Variants in DENND1A observed in about 807,000 individuals in gnomAD.
DENND1A encodes DENN domain-containing protein 1A.
Under a neutral mutation model 113.7 loss-of-function variants are expected in DENND1A, and 51 were observed. The ratio of observed to expected loss-of-function variants is 0.45; its 90% confidence interval spans 0.36 to 0.57. The LOEUF (loss-of-function observed/expected upper bound fraction) is 0.57, where lower values mean the gene tolerates loss of function less well. DENND1A is among the 20% of genes least tolerant of loss of function. The probability of loss-of-function intolerance (pLI) is 0.00; values close to 1 mark genes in which losing one functional copy is unlikely to be tolerated. For synonymous variants in DENND1A, 565 were observed against 570.8 expected (o/e 0.99, Z 0.14); for missense variants, 1,258 against 1,395.9 (o/e 0.90, Z 1.57).
chr9:123,747,720 C>T (rs1253768235), intron 5 of DENND1A, among the ~76,000 whole-genome samples: 2 of 152,148 alleles, frequency 1.3e-5, no homozygotes, highest in Admixed American at 6.5e-5. Flanking sequence ...AATTATACTG[C>T]TATCTAACTT....
intron 5 of DENND1A, among the ~76,000 whole-genome samples, chr9:123,707,402 GA>G (rs111625198): frequency 0.12 from 16,232 of 136,500 alleles, 1,201 homozygotes; most frequent in Non-Finnish European, 0.18. Flanking sequence ...TCTCAAAAAG[GA>G]AAAAAAAAAA....
intron 2 of DENND1A, among the ~76,000 whole-genome samples, chr9:123,849,148 T>C (rs1843001519): frequency 6.6e-6 from 1 of 152,322 alleles, no homozygotes; most frequent in South Asian, 2.1e-4. Flanking sequence ...CCACCTTATA[T>C]TAGAAGAAAA....
intron 19 of DENND1A, among the ~76,000 whole-genome samples, chr9:123,423,363 T>C (rs1588457062): frequency 1.3e-5 from 2 of 152,174 alleles, no homozygotes; most frequent in East Asian, 3.9e-4. Flanking sequence ...GTACAACCCA[T>C]TACGTCCTGC....
At chr9:123,582,146 T>TA (rs1053234273) in intron 12 of DENND1A, among the ~76,000 whole-genome samples, 11 of 152,334 alleles carry the variant, frequency 7.2e-5, no homozygotes, top group Admixed American at 4.6e-4. Context: ...TACCATGTTC[T>TA]AGATGGTCTA....
At chr9:123,848,520 C>G (rs1023248291) in intron 2 of DENND1A, among the ~76,000 whole-genome samples, 4 of 152,138 alleles carry the variant, frequency 2.6e-5, no homozygotes, top group Non-Finnish European at 5.9e-5. Flanking sequence ...CCATCTTTCT[C>G]TTCCTTGGGC....
At chr9:123,688,869 C>T (rs564706665) in intron 5 of DENND1A, among the ~76,000 whole-genome samples, 1 of 151,904 alleles carries the variant, frequency 6.6e-6, no homozygotes, top group African/African-American at 2.4e-5. Flanking sequence ...AAAAGCAGTC[C>T]ATAATGTTAC....
chr9:123,538,714 A>C (rs1470617248), intron 13 of DENND1A, among the ~76,000 whole-genome samples: 1 of 146,566 alleles, frequency 6.8e-6, no homozygotes, highest in East Asian at 2.0e-4. Flanking sequence ...AAATCCATCA[A>C]ATATGTTGAA....
intron 11 of DENND1A, among the ~76,000 whole-genome samples, chr9:123,592,448 C>T (rs1018653332): frequency 1.8e-4 from 27 of 152,278 alleles, no homozygotes; most frequent in African/African-American, 5.1e-4. Context: ...CTTCCTGTGC[C>T]TCAGTTTCCC....
chr9:123,380,134 G>GTGTC lies in DENND1A; in HGVS notation c.*1294_*1297dup, dbSNP rs1292622147. On this transcript the variant is annotated 3_prime_UTR_variant, in exon 24 of 24. Transcript: ENST00000394215. ...TCCCCCAGACACCCCTGGGTAGACT[G>GTGTC]TGTCTGACCCTTCACAAATAGGAAA... is the stretch of plus-strand genomic sequence containing the variant. The GTGTC allele has an allele frequency of 1.3e-5, 2 of 152,228 alleles. No individual in the cohort carries two copies. Among genetic ancestry groups the GTGTC allele is most frequent in the African/African-American group, 4.8e-5 (2 of 41,456 alleles). 9.4% of individuals were successfully genotyped at this position (152,228 alleles called of 1,614,324 possible).
At chr9:123,846,233 A>G (rs1256000532) in intron 2 of DENND1A, among the ~76,000 whole-genome samples, 1 of 152,232 alleles carries the variant, frequency 6.6e-6, no homozygotes, top group Admixed American at 6.5e-5. Context: ...AACCTTACAC[A>G]TTGCTGGTGG....
At chr9:123,550,654 G>A (rs569966998) in intron 13 of DENND1A, among the ~76,000 whole-genome samples, 4 of 152,296 alleles carry the variant, frequency 2.6e-5, no homozygotes, top group East Asian at 1.9e-4. Context: ...TGAGACCAGC[G>A]TGTGTGAAAT....
chr9:123,481,661 G>T (rs1037283105), intron 13 of DENND1A, among the ~76,000 whole-genome samples: 6 of 152,208 alleles, frequency 3.9e-5, no homozygotes, highest in Non-Finnish European at 8.8e-5. Flanking sequence ...TACAGGTGGG[G>T]TGATCAGGGA....
chr9:123,454,791 G>C lies in DENND1A; in HGVS notation c.1187-12C>G. 1 of 1,550,430 alleles carries C rather than the reference G, an allele frequency of 6.4e-7. No individual in the cohort carries two copies. Among genetic ancestry groups the C allele is most frequent in the African/African-American group, 1.4e-5 (1 of 73,074 alleles). On this transcript the variant is annotated splice_polypyrimidine_tract_variant and intron_variant, in intron 15 of 23. Coordinates refer to ENST00000394215, the MANE Select transcript of DENND1A (RefSeq NM_001352964.2). ...CAGTTTGTCACTGCCTGGGGAAAGA[G>C]AATTCAGAGAAGCTGTCACTTAAAG...
chr9:123,634,566 A>T (rs1564854779), intron 9 of DENND1A, among the ~76,000 whole-genome samples: 1 of 152,256 alleles, frequency 6.6e-6, no homozygotes, highest in Non-Finnish European at 1.5e-5. Context: ...TTCCTTACAG[A>T]ATACAAACTT....
chr9:123,888,874 G>C (rs1337526485), intron 1 of DENND1A, among the ~76,000 whole-genome samples: 1 of 152,032 alleles, frequency 6.6e-6, no homozygotes, highest in Non-Finnish European at 1.5e-5. Context: ...TTGCGTTAGA[G>C]GGGAGAATAA....
At chr9:123,890,596 G>A (rs1487213615) in intron 1 of DENND1A, among the ~76,000 whole-genome samples, 1 of 152,164 alleles carries the variant, frequency 6.6e-6, no homozygotes, top group Non-Finnish European at 1.5e-5. Flanking sequence ...TTAAATATGT[G>A]TCAGATATTT....
chr9:123,398,460 C>T (rs938889864), intron 21 of DENND1A, among the ~76,000 whole-genome samples: 17 of 152,120 alleles, frequency 1.1e-4, no homozygotes, highest in Non-Finnish European at 1.6e-4. Flanking sequence ...CTGCCAGCTC[C>T]ACCTCCCGGG....
chr9:123,684,691 C>T (rs2064695654), intron 5 of DENND1A, among the ~76,000 whole-genome samples: 1 of 152,222 alleles, frequency 6.6e-6, no homozygotes, highest in African/African-American at 2.4e-5. Flanking sequence ...GAGACGTTTC[C>T]AGTCCAAACA....
At chr9:123,850,295 G>A (rs1843147690) in intron 2 of DENND1A, among the ~76,000 whole-genome samples, 1 of 152,102 alleles carries the variant, frequency 6.6e-6, no homozygotes, top group Non-Finnish European at 1.5e-5. Flanking sequence ...CCACCATCCT[G>A]ACCAGCCGGT....
Sources: allele counts gnomAD v4.1 joint callset (sites outside exome capture counted in the v4.1 genomes callset), GRCh38; gene constraint gnomAD v4.1.1; transcripts MANE v1.5; gene names NCBI Gene and HGNC (gene_info 2026-07-23, HGNC 2026-07-21).